Variants in ATG4C observed in about 807,000 individuals in gnomAD.
The protein encoded by ATG4C is cysteine protease ATG4C.
In ATG4C, 56 loss-of-function variants were observed where a neutral mutation model predicts 57.6. That is an observed-to-expected ratio of 0.97 (90% CI 0.78 to 1.21). The LOEUF (loss-of-function observed/expected upper bound fraction) is 1.21, where lower values mean the gene tolerates loss of function less well. Among genes scored for constraint, ATG4C ranks in the 50% most tolerant of loss-of-function variants. The probability of loss-of-function intolerance (pLI) is 0.00; values close to 1 mark genes in which losing one functional copy is unlikely to be tolerated. For synonymous variants in ATG4C, 157 were observed against 174.1 expected, an observed-to-expected ratio of 0.90 and a Z score of 0.78; for missense variants, 595 against 529.8, an observed-to-expected ratio of 1.12 and a Z score of -1.21.
intron 1 of ATG4C, 84 bp downstream of exon 1, chr1:62,784,357 G>C (rs1385358977): frequency 6.6e-6 from 1 of 152,282 alleles, no homozygotes; most frequent in Non-Finnish European, 1.5e-5. Flanking sequence ...TTTCTTGCGG[G>C]GGTCCGCCTT....
chr1:62,792,889 A>T (rs796325433), intron 1 of ATG4C, among the ~76,000 whole-genome samples: 31 of 144,938 alleles, frequency 2.1e-4, no homozygotes, highest in African/African-American at 6.6e-4. Context: ...GGTGGTAGTG[A>T]TTTTTTTTTT....
intron 1 of ATG4C, among the ~76,000 whole-genome samples, chr1:62,799,427 G>GA (rs1242235693): frequency 6.6e-6 from 1 of 152,102 alleles, no homozygotes; most frequent in African/African-American, 2.4e-5. Flanking sequence ...AATAGTTAAG[G>GA]ATGTGTCCCA....
At chr1:62,799,807 T>C (rs1664594677) in intron 1 of ATG4C, among the ~76,000 whole-genome samples, 1 of 152,188 alleles carries the variant, frequency 6.6e-6, no homozygotes, top group Admixed American at 6.5e-5. Context: ...AAATGTTCAA[T>C]TAAATTATTA....
chr1:62,845,733 G>T (rs1666307818), intron 10 of ATG4C, among the ~76,000 whole-genome samples: 1 of 151,808 alleles, frequency 6.6e-6, no homozygotes, highest in African/African-American at 2.4e-5. Context: ...ATGGAGTCTT[G>T]CTCAGTCACC....
chr1:62,847,913 G>A (rs1036393017), intron 10 of ATG4C, among the ~76,000 whole-genome samples: 6 of 152,286 alleles, frequency 3.9e-5, no homozygotes, highest in Admixed American at 6.5e-5. Context: ...CCACTCTTCC[G>A]TTCTCTGCCT....
intron 10 of ATG4C, among the ~76,000 whole-genome samples, chr1:62,861,576 A>AACAC (rs57225222): frequency 0.02 from 2,685 of 133,366 alleles, 39 homozygotes; most frequent in Non-Finnish European, 0.023. Flanking sequence ...TGGAAAATAG[A>AACAC]ACACACACAC....
In ATG4C at chr1:62,850,854, G is replaced by GTA. The variant is rs1161449502; in HGVS notation, c.1209+9354_1209+9355dup. ...CATGTATGTATGTGTGTGTATGTATGTATATATATATATATATATATATAT... is the reference window on the plus strand; with the variant it reads ...CATGTATGTATGTGTGTGTATGTATGTATATATATATATATATATATATATAT... On this transcript the variant is annotated intron_variant, in intron 10 of 10. Transcript: ENST00000317868. Among the ~76,000 whole-genome samples, 288 of 84,012 alleles carry GTA rather than the reference G, an allele frequency of 3.4e-3. 2 individuals carry two copies. Among genetic ancestry groups the GTA allele is most frequent in the East Asian group, 6.3e-3 (9 of 1,418 alleles). The allele number at this position is 84,012 out of a possible 152,430, so 55.1% of individuals were successfully genotyped here.
intron 10 of ATG4C, among the ~76,000 whole-genome samples, chr1:62,859,490 T>C (rs1666784748): frequency 6.6e-6 from 1 of 152,102 alleles, no homozygotes; most frequent in Admixed American, 6.6e-5. Context: ...TAAAAAATGG[T>C]GTACCTGTGT....
intron 1 of ATG4C, among the ~76,000 whole-genome samples, chr1:62,796,528 T>A (rs1353119858): frequency 1.3e-5 from 2 of 152,166 alleles, no homozygotes; most frequent in Non-Finnish European, 2.9e-5. Flanking sequence ...GTTCTTTATC[T>A]TAAAAAGGAG....
At chr1:62,786,236 TA>T (rs1432485636) in intron 1 of ATG4C, among the ~76,000 whole-genome samples, 1 of 152,182 alleles carries the variant, frequency 6.6e-6, no homozygotes, top group Non-Finnish European at 1.5e-5. Context: ...TAAATCAACA[TA>T]TGCTTACTGA....
intron 1 of ATG4C, among the ~76,000 whole-genome samples, chr1:62,794,404 G>A (rs1664391736): frequency 6.6e-6 from 1 of 152,210 alleles, no homozygotes; most frequent in African/African-American, 2.4e-5. Context: ...TAAAGTAGCT[G>A]TGCATTGATT....
intron 9 of ATG4C, among the ~76,000 whole-genome samples, chr1:62,840,095 G>T (rs1666122304): frequency 6.6e-6 from 1 of 152,038 alleles, no homozygotes; most frequent in Non-Finnish European, 1.5e-5. Flanking sequence ...AAATCCCTTA[G>T]TTTTAGGCAT....
intron 3 of ATG4C, among the ~76,000 whole-genome samples, chr1:62,807,265 G>A (rs951299244): frequency 2.0e-5 from 3 of 152,138 alleles, no homozygotes; most frequent in Non-Finnish European, 2.9e-5. Flanking sequence ...TTGTTCTTAT[G>A]TTTGGTCTTT....
At chr1:62,794,595 T>C (rs1320535785) in intron 1 of ATG4C, among the ~76,000 whole-genome samples, 2 of 152,170 alleles carry the variant, frequency 1.3e-5, no homozygotes, top group Admixed American at 1.3e-4. Context: ...TTTCAGTCTT[T>C]TTGTCATTAT....
intron 10 of ATG4C, among the ~76,000 whole-genome samples, chr1:62,852,688 T>C (rs926724607): frequency 3.9e-5 from 6 of 152,212 alleles, no homozygotes; most frequent in Non-Finnish European, 8.8e-5. Flanking sequence ...TCCTATCCTT[T>C]GTATTTCTTA....
At chr1:62,800,251 T>G (rs1664613904) in intron 1 of ATG4C, among the ~76,000 whole-genome samples, 1 of 152,200 alleles carries the variant, frequency 6.6e-6, no homozygotes, top group African/African-American at 2.4e-5. Context: ...TAAAAAATTT[T>G]GGATCTAGAA....
chr1:62,809,635 A>G (rs1665005202), intron 3 of ATG4C, among the ~76,000 whole-genome samples: 1 of 147,692 alleles, frequency 6.8e-6, no homozygotes, highest in South Asian at 2.1e-4. Context: ...GTATCTATAT[A>G]TACATATATG....
intron 3 of ATG4C, among the ~76,000 whole-genome samples, chr1:62,810,814 A>G (rs1193994722): frequency 2.0e-5 from 3 of 152,060 alleles, no homozygotes; most frequent in Non-Finnish European, 4.4e-5. Context: ...TCAGTGGACA[A>G]GCTAGAACAG....
chr1:62,806,557 G>A (rs967065590), intron 3 of ATG4C, among the ~76,000 whole-genome samples: 1 of 151,958 alleles, frequency 6.6e-6, no homozygotes, highest in Non-Finnish European at 1.5e-5. Flanking sequence ...GAAAAATCAA[G>A]CGATGAAAAG....
Sources: allele counts gnomAD v4.1 joint callset (sites outside exome capture counted in the v4.1 genomes callset), GRCh38; gene constraint gnomAD v4.1.1; transcripts MANE v1.5; gene names NCBI Gene and HGNC (gene_info 2026-07-23, HGNC 2026-07-21).